CACNA2D3: variants seen among roughly 807,000 people sequenced by gnomAD.
CACNA2D3 encodes the protein calcium voltage-gated channel auxiliary subunit alpha2delta 3.
Under a neutral mutation model 160.6 loss-of-function variants are expected in CACNA2D3, and 60 were observed. The ratio of observed to expected loss-of-function variants is 0.37; its 90% confidence interval spans 0.30 to 0.46. The LOEUF is 0.46. Among genes scored for constraint, CACNA2D3 ranks in the 20% least tolerant of loss-of-function variants. The pLI, the probability that CACNA2D3 is intolerant of heterozygous loss-of-function variation, is 1.00. For synonymous variants in CACNA2D3, 558 were observed against 492.9 expected (o/e 1.13, Z -1.75); for missense variants, 1,205 against 1,365.0 (o/e 0.88, Z 1.85).
chr3:54,465,965 G>A (rs1364330713), intron 4 of CACNA2D3, among the ~76,000 whole-genome samples: 1 of 152,126 alleles, frequency 6.6e-6, no homozygotes, highest in Non-Finnish European at 1.5e-5. Context: ...TTATGAGACT[G>A]AGGTCCCCCC....
At chr3:54,950,987 A>G (rs1207139720) in intron 27 of CACNA2D3, among the ~76,000 whole-genome samples, 1 of 152,212 alleles carries the variant, frequency 6.6e-6, no homozygotes, top group African/African-American at 2.4e-5. Flanking sequence ...CTCACACCCA[A>G]GGCTCCTTTT....
intron 11 of CACNA2D3, among the ~76,000 whole-genome samples, chr3:54,709,258 G>T (rs1474183968): frequency 6.6e-6 from 1 of 151,708 alleles, no homozygotes; most frequent in Non-Finnish European, 1.5e-5. Flanking sequence ...CAAGTGATCC[G>T]CCTGCCTTGG....
intron 4 of CACNA2D3, among the ~76,000 whole-genome samples, chr3:54,502,633 T>C (rs972375257): frequency 6.6e-6 from 1 of 152,224 alleles, no homozygotes; most frequent in Non-Finnish European, 1.5e-5. Context: ...ACAGTAGATT[T>C]AAGGACAGAC....
chr3:54,615,052 A>T (rs1265296505), intron 9 of CACNA2D3, among the ~76,000 whole-genome samples: 1 of 152,230 alleles, frequency 6.6e-6, no homozygotes, highest in Non-Finnish European at 1.5e-5. Flanking sequence ...GGCAGCTAAC[A>T]TTTATCCAAT....
At chr3:55,046,069 T>C (rs1704072787) in intron 35 of CACNA2D3, among the ~76,000 whole-genome samples, 1 of 151,418 alleles carries the variant, frequency 6.6e-6, no homozygotes, top group Non-Finnish European at 1.5e-5. Context: ...CTAAAAATTT[T>C]GATAGGTTTT....
intron 4 of CACNA2D3, among the ~76,000 whole-genome samples, chr3:54,408,087 G>T (rs545783518): frequency 6.6e-6 from 1 of 152,294 alleles, no homozygotes; most frequent in Admixed American, 6.5e-5. Context: ...GGGAGGGACA[G>T]ATATTAAAGA....
At chr3:54,849,796 A>G (rs1439087011) in intron 17 of CACNA2D3, among the ~76,000 whole-genome samples, 2 of 152,220 alleles carry the variant, frequency 1.3e-5, no homozygotes, top group Non-Finnish European at 2.9e-5. Context: ...AAGCTGACTT[A>G]AAATAACTCC....
chr3:54,255,963 T>G (rs181709247), intron 2 of CACNA2D3, among the ~76,000 whole-genome samples: 8 of 151,860 alleles, frequency 5.3e-5, no homozygotes, highest in African/African-American at 1.7e-4. Flanking sequence ...GTGTCAGAGT[T>G]GGGGTGGGCA....
At chr3:54,634,788 C>G (rs1699327827) in intron 10 of CACNA2D3, among the ~76,000 whole-genome samples, 1 of 152,122 alleles carries the variant, frequency 6.6e-6, no homozygotes, top group Admixed American at 6.5e-5. Flanking sequence ...GCCATTTACA[C>G]TTCTTTTGTG....
chr3:54,256,922 C>T (rs935437929), intron 2 of CACNA2D3, among the ~76,000 whole-genome samples: 2 of 152,188 alleles, frequency 1.3e-5, no homozygotes, highest in Non-Finnish European at 2.9e-5. Flanking sequence ...CATTATTTGT[C>T]GCACTTTTTG....
At chr3:54,375,670 A>AGT (rs1699000973) in intron 3 of CACNA2D3, among the ~76,000 whole-genome samples, 1 of 152,096 alleles carries the variant, frequency 6.6e-6, no homozygotes, top group South Asian at 2.1e-4. Flanking sequence ...AGTCATGATT[A>AGT]GTGGGAAGTC....
rs529806768 is a variant in CACNA2D3 at position 54,406,132 on chromosome 3, A to G, written c.381+19358A>G. ...TGGTGTAGCCATTATGAAAAACAGT[A>G]TGGAGGTTACTAAACAAATTGAAAA... On this transcript the variant is annotated intron_variant, in intron 4 of 37. Coordinates refer to ENST00000474759, the MANE Select transcript of CACNA2D3 (RefSeq NM_018398.3). Among the ~76,000 whole-genome samples, 18 of 152,248 alleles carry G rather than the reference A, an allele frequency of 1.2e-4. No homozygotes were observed. The South Asian group carries it at 3.3e-3, about 28-fold the overall frequency.
intron 2 of CACNA2D3, among the ~76,000 whole-genome samples, chr3:54,125,509 G>C (rs954586776): frequency 1.3e-5 from 2 of 152,204 alleles, no homozygotes; most frequent in African/African-American, 4.8e-5. Flanking sequence ...CGAGGGAAAG[G>C]TGAGGTGTTG....
chr3:54,132,880 G>A (rs763671783), intron 2 of CACNA2D3, among the ~76,000 whole-genome samples: 2 of 152,104 alleles, frequency 1.3e-5, no homozygotes, highest in Non-Finnish European at 2.9e-5. Flanking sequence ...TCTCAAATGG[G>A]CACAATGGTA....
chr3:54,629,738 C>T (rs1699194206), intron 10 of CACNA2D3, among the ~76,000 whole-genome samples: 1 of 152,188 alleles, frequency 6.6e-6, no homozygotes, highest in African/African-American at 2.4e-5. Context: ...CAGGCTCTTT[C>T]CAGGTGGTGA....
intron 11 of CACNA2D3, among the ~76,000 whole-genome samples, chr3:54,744,606 G>A (rs746883746): frequency 2.6e-5 from 4 of 152,194 alleles, no homozygotes; most frequent in Admixed American, 6.5e-5. Flanking sequence ...TCCTTGGATG[G>A]CTTGTCAAAA....
chr3:54,554,400 T>C (rs1702207130), intron 5 of CACNA2D3, among the ~76,000 whole-genome samples: 2 of 152,130 alleles, frequency 1.3e-5, no homozygotes, highest in Admixed American at 1.3e-4. Flanking sequence ...AGTAAACAAA[T>C]GAATGAAAGC....
At chr3:54,971,620 C>T (rs1017757310) in intron 29 of CACNA2D3, among the ~76,000 whole-genome samples, 1 of 152,102 alleles carries the variant, frequency 6.6e-6, no homozygotes, top group African/African-American at 2.4e-5. Flanking sequence ...ATAACTAAAG[C>T]CAGAGACAGT....
intron 34 of CACNA2D3, among the ~76,000 whole-genome samples, chr3:55,014,646 C>T (rs1362187004): frequency 2.0e-5 from 3 of 152,112 alleles, no homozygotes; most frequent in African/African-American, 7.2e-5. Context: ...GTAGGAGAAT[C>T]GTTTGAACCC....
Sources: gnomAD v4.1 joint callset for allele counts (sites outside exome capture counted in the v4.1 genomes callset) on GRCh38, gnomAD v4.1.1 for gene constraint, MANE v1.5 for transcripts, NCBI Gene and HGNC (gene_info 2026-07-23, HGNC 2026-07-21) for gene names.